Variants in CSF2RB observed in about 807,000 individuals in gnomAD.
CSF2RB encodes the protein colony stimulating factor 2 receptor subunit beta.
In CSF2RB, 22 loss-of-function variants were observed where a neutral mutation model predicts 67.2. The observed-to-expected ratio is 0.33, with a 90% CI of 0.23 to 0.47. The LOEUF (loss-of-function observed/expected upper bound fraction) is 0.47, where lower values mean the gene tolerates loss of function less well. Ranked by LOEUF, CSF2RB falls within the 20% of genes least tolerant of loss-of-function variation. CSF2RB has a pLI of 1.00. For synonymous variants in CSF2RB, 507 were observed against 482.9 expected (o/e 1.05, Z -0.65); for missense variants, 1,113 against 1,174.5 (o/e 0.95, Z 0.76).
chr22:36,927,164 T>C (rs1024747613), intron 4 of CSF2RB, among the ~76,000 whole-genome samples: 1 of 152,172 alleles, frequency 6.6e-6, no homozygotes, highest in East Asian at 1.9e-4. Context: ...CCTGCCCTTT[T>C]TTGCCACAAC....
intron 2 of CSF2RB, 94 bp from the exon 3 acceptor site, chr22:36,923,150 T>C: frequency 6.3e-7 from 1 of 1,591,482 alleles, no homozygotes; most frequent in South Asian, 1.1e-5. Context: ...GGGAGACCCC[T>C]CCCCAGAGCG....
intron 1 of CSF2RB, among the ~76,000 whole-genome samples, chr22:36,915,913 T>G (rs1206500505): frequency 6.6e-6 from 1 of 152,224 alleles, no homozygotes; most frequent in Non-Finnish European, 1.5e-5. Context: ...GGATTTCATT[T>G]ATGATGAATG....
intron 1 of CSF2RB, among the ~76,000 whole-genome samples, chr22:36,918,231 T>C (rs189372164): frequency 3.9e-5 from 6 of 152,256 alleles, no homozygotes; most frequent in Admixed American, 1.3e-4. Flanking sequence ...TGAAAAACTT[T>C]CTTTGTCCTT....
chr22:36,919,926 C>T (rs1178912792), intron 1 of CSF2RB, among the ~76,000 whole-genome samples: 1 of 152,170 alleles, frequency 6.6e-6, no homozygotes, highest in Non-Finnish European at 1.5e-5. Flanking sequence ...TAGATGTGCG[C>T]TGTTTTGACA....
chr22:36,931,109 CTCCT>C, intron 8 of CSF2RB, among the ~76,000 whole-genome samples: 1 of 152,362 alleles, frequency 6.6e-6, no homozygotes, highest in Admixed American at 6.5e-5. Context: ...TAGCCACACC[CTCCT>C]GGTCCTGTCA....
In CSF2RB at chr22:36,938,168, CT is replaced by C. The variant is rs1941315393; in HGVS notation, c.2361del (p.Glu788ArgfsTer7). The C allele has an allele frequency of 1.2e-6, 2 of 1,614,152 alleles. No individual in the cohort carries two copies. Among genetic ancestry groups the C allele is most frequent in the Non-Finnish European group, 1.7e-6 (2 of 1,180,008 alleles). On this transcript the variant is annotated frameshift_variant, in exon 14 of 14. Transcript: ENST00000403662. LOFTEE classifies it low-confidence loss of function (END_TRUNC). ...TCACCAAGGAACAATCCTGTCCCCC[CT>C]GAGGCCAAAAGCCCTGTCCTGAACC... ...PRSPRNNPVP[P>X]EAKSPVLNPG...
rs1261051214 is a variant in CSF2RB, at chr22:36,937,827, C to T, written c.2019C>T (p.Gly673=). 3.1e-6 allele frequency: 5 copies of T among 1,609,256 alleles called. No homozygotes were observed. Among genetic ancestry groups the T allele is most frequent in the African/African-American group, 1.3e-5 (1 of 74,992 alleles). ...AGSPSLESGG[G]PAPPALGPRV... is the part of the protein sequence containing the mutation. ...GTCCCTCCCTGGAGTCCGGGGGAGGCCCTGCCCCTCCTGCTCTTGGGCCAA... is the reference window on the plus strand; with the variant it reads ...GTCCCTCCCTGGAGTCCGGGGGAGGTCCTGCCCCTCCTGCTCTTGGGCCAA... Residue 673 remains glycine (G), a synonymous_variant, in exon 14 of 14, where the codon GGC becomes GGT. Transcript: ENST00000403662. This position sits in a 1 kb window ranked among gnomAD's most constrained non-coding sequence, Gnocchi z 4.6.
intron 4 of CSF2RB, among the ~76,000 whole-genome samples, chr22:36,926,659 TGCCCTGGAGGAGGG>T (rs1333085441): frequency 1.3e-5 from 2 of 152,196 alleles, no homozygotes; most frequent in Non-Finnish European, 2.9e-5. Context: ...GTCTCCTCGC[TGCCCTGGAGGAGGG>T]GCCCCGGTGT....
At chr22:36,923,672 G>A in intron 3 of CSF2RB, 1 of 1,373,988 alleles carries the variant, frequency 7.3e-7, no homozygotes, top group Non-Finnish European at 9.6e-7. Flanking sequence ...TGCCCCACAT[G>A]ACCTATCTTA....
At chr22:36,923,009 A>G (rs1940915349) in intron 2 of CSF2RB, among the ~76,000 whole-genome samples, 1 of 152,166 alleles carries the variant, frequency 6.6e-6, no homozygotes, top group Non-Finnish European at 1.5e-5. Context: ...GCGGAGGCCC[A>G]GAAACCATGC....
rs1456741804 is a variant in CSF2RB, at chr22:36,937,071, G to A, written c.1569-306G>A. ...GTTGCCCAGTGCACAGGCTGGGCATGAGCCTGGTGCTGAAGGAGGATGGAC... is the reference window on the plus strand; with the variant it reads ...GTTGCCCAGTGCACAGGCTGGGCATAAGCCTGGTGCTGAAGGAGGATGGAC... On this transcript the variant is annotated intron_variant, in intron 13 of 13. Transcript: ENST00000403662. The surrounding 1 kb of genome is among the most constrained non-coding windows in gnomAD (Gnocchi z 4.6). Among the ~76,000 whole-genome samples the A allele has an allele frequency of 3.3e-5, 5 of 152,140 alleles. No individual in the cohort carries two copies. The highest frequency in any genetic ancestry group is 4.8e-5 in the African/African-American group (2 of 41,438).
chr22:36,917,962 T>C (rs1002304123), intron 1 of CSF2RB, among the ~76,000 whole-genome samples: 1 of 152,160 alleles, frequency 6.6e-6, no homozygotes, highest in African/African-American at 2.4e-5. Flanking sequence ...AAACCATATT[T>C]GCTACCAGCA....
Position 36,939,295 on chromosome 22 carries a change from G to A in CSF2RB, c.*793G>A, listed in dbSNP as rs1329762019. 4 of 701,740 alleles carry A rather than the reference G, an allele frequency of 5.7e-6. No homozygotes were observed. Among genetic ancestry groups the A allele is most frequent in the Non-Finnish European group, 1.0e-5 (4 of 384,800 alleles). 43.5% of individuals were successfully genotyped at this position (701,740 alleles called of 1,614,324 possible). On this transcript the variant is annotated 3_prime_UTR_variant, in exon 14 of 14. Transcript: ENST00000403662. ...GGTGGGCAGGCTGGCGGGACCTGGG[G>A]AACATCAGGAGAGGAGTCCAGAGCC...
At position 36,936,630 on chromosome 22, in the gene CSF2RB, A is replaced by G; in HGVS notation, c.1546A>G (p.Ser516Gly). 3 of 1,613,630 alleles carry G rather than the reference A, an allele frequency of 1.9e-6. No individual in the cohort carries two copies. Among genetic ancestry groups the G allele is most frequent in the Non-Finnish European group, 8.5e-7 (1 of 1,179,944 alleles). ...GSPPHQGPWG[S>G]RFPELEGVFP... ...TCCCCCACACCAGGGGCCGTGGGGC[A>G]GCCGCTTCCCTGAGCTGGAGGGGTG... The change falls in exon 13 of 14, where the codon AGC (serine) becomes GGC (glycine). Residue 516 changes from serine to glycine, a missense_variant. Physicochemically the swap from Ser to Gly is moderately conservative, Grantham distance 56 (BLOSUM62 0). This residue lies in a region of CSF2RB where 554 missense variants were observed against 517.9 expected (regional missense o/e 1.07). Transcript: ENST00000403662.
intron 1 of CSF2RB, among the ~76,000 whole-genome samples, chr22:36,921,683 C>A (rs1245451189): frequency 4.0e-4 from 61 of 152,114 alleles, no homozygotes. Flanking sequence ...AGAGCACAGG[C>A]CCTGTGGAAG....
chr22:36,918,406 G>T (rs1940772485), intron 1 of CSF2RB, among the ~76,000 whole-genome samples: 1 of 152,156 alleles, frequency 6.6e-6, no homozygotes, highest in Admixed American at 6.6e-5. Context: ...TGCATTCAAA[G>T]TATCCTATTT....
chr22:36,929,853 G>A, intron 6 of CSF2RB, 46 bp downstream of exon 6: 1 of 1,591,958 alleles, frequency 6.3e-7, no homozygotes. Flanking sequence ...GGGAGGGCAG[G>A]CTCATCAGGA....
chr22:36,929,386 A>G lies in CSF2RB; in HGVS notation c.392-16A>G, dbSNP rs1295729842. 2 of 1,614,044 alleles carry G rather than the reference A, an allele frequency of 1.2e-6. No individual in the cohort carries two copies. The highest frequency in any genetic ancestry group is 3.3e-5 in the Admixed American group (2 of 60,014). On this transcript the variant is annotated splice_polypyrimidine_tract_variant and intron_variant, in intron 4 of 13. Coordinates refer to ENST00000403662, the MANE Select transcript of CSF2RB (RefSeq NM_000395.3). Reference sequence around the variant, plus strand: ...GCGGTCCAGCCCTTAGGTGCCCTTCACTTCCTCCCCTCCAGTCCAGCCTCC... The same window carrying G: ...GCGGTCCAGCCCTTAGGTGCCCTTCGCTTCCTCCCCTCCAGTCCAGCCTCC...
At position 36,938,231 on chromosome 22, in the gene CSF2RB, C is replaced by T. The variant is rs746023630; in HGVS notation, c.2423C>T (p.Pro808Leu). Residue 808 changes from proline to leucine, a missense_variant, in exon 14 of 14, where the codon CCA becomes CTA. Pro to Leu is a moderately conservative substitution (Grantham distance 98). Around this residue, in one of 2 missense-constraint regions of CSF2RB, gnomAD observed 554 missense variants for 517.9 expected, o/e 1.07. Coordinates refer to ENST00000403662, the MANE Select transcript of CSF2RB (RefSeq NM_000395.3). Reference protein sequence around the residue: ...ERPADVSPTSPQPEGLLVLQQ... With the variant: ...ERPADVSPTSLQPEGLLVLQQ... ...CCGGCAGATGTGTCCCCAACATCCC[C>T]ACAGCCCGAGGGCCTCCTTGTCCTG... is the stretch of plus-strand genomic sequence containing the variant. 1.9e-6 allele frequency: 3 copies of T among 1,614,208 alleles called. No individual in the cohort carries two copies. The highest frequency in any genetic ancestry group is 8.5e-7 in the Non-Finnish European group (1 of 1,180,020).
Sources: allele counts gnomAD v4.1 joint callset (sites outside exome capture counted in the v4.1 genomes callset), GRCh38; gene constraint gnomAD v4.1.1; regional missense constraint gnomAD v4.1.1; non-coding constraint Gnocchi (gnomAD v3.1); transcripts MANE v1.5; gene names NCBI Gene and HGNC (gene_info 2026-07-23, HGNC 2026-07-21).